The following NCKAP1L variants were observed in gnomAD, a reference collection of about 807,000 sequenced individuals.
The protein encoded by NCKAP1L is nck-associated protein 1-like.
NCKAP1L carries 53 observed loss-of-function variants against 139.2 expected under a neutral mutation model. That is an observed-to-expected ratio of 0.38 (90% confidence interval 0.31 to 0.48). The LOEUF (loss-of-function observed/expected upper bound fraction) is 0.48. NCKAP1L is among the 20% of genes least tolerant of loss of function. The pLI, the probability that NCKAP1L is intolerant of heterozygous loss-of-function variation, is 0.98. For missense variants in NCKAP1L, 1,151 were observed against 1,381.9 expected, an observed-to-expected ratio of 0.83 and a Z score of 2.65; for synonymous variants, 468 against 499.7, an observed-to-expected ratio of 0.94 and a Z score of 0.85.
In NCKAP1L at chr12:54,517,808, G is replaced by C. The variant is rs1293897237; in HGVS notation, c.1208G>C (p.Ser403Thr). 6.2e-7 allele frequency: 1 copy of C among 1,614,022 alleles called. No individual in the cohort carries two copies. Among genetic ancestry groups the C allele is most frequent in the Non-Finnish European group, 8.5e-7 (1 of 1,180,022 alleles). ...TGTTCTCATCCTAAACTTTATAGGA[G>C]CATTGCAGAGCTACTTTTCTTGTTG... ...TKTPEDYADS[S>T]IAELLFLLEG... The change falls in exon 13 of 31, where the codon AGC becomes ACC. Residue 403 changes from serine (S) to threonine (T), a missense_variant and splice_region_variant. By Grantham distance (58) the Ser-to-Thr change is moderately conservative (BLOSUM62 1). Transcript: ENST00000293373.
In NCKAP1L at chr12:54,509,922, T is replaced by C; in HGVS notation, c.672T>C (p.Ser224=). ...RRNQGAEQWR[S]AQLLSLISNP... ...ACCAGGGGGCTGAGCAGTGGCGCAG[T>C]GCCCAACTTCTAAGCCTCATCAGCA... Residue 224 remains serine (S), a synonymous_variant, in exon 7 of 31, where the codon AGT becomes AGC. Transcript: ENST00000293373. 2.5e-6 allele frequency: 4 copies of C among 1,614,236 alleles called. No individual in the cohort carries two copies. The highest frequency in any genetic ancestry group is 3.4e-6 in the Non-Finnish European group (4 of 1,180,038).
intron 20 of NCKAP1L, among the ~76,000 whole-genome samples, chr12:54,525,966 C>A (rs35733155): frequency 0.35 from 52,672 of 151,850 alleles, 10,777 homozygotes; most frequent in African/African-American, 0.56. Flanking sequence ...TAGTTATTCT[C>A]CCCTCTCTAA....
rs370541826 is a variant in NCKAP1L at position 54,516,893 on chromosome 12, T to C, written c.999-3T>C. The C allele has an allele frequency of 6.2e-7, 1 of 1,610,956 alleles. No individual in the cohort carries two copies. Among genetic ancestry groups the C allele is most frequent in the Non-Finnish European group, 8.5e-7 (1 of 1,178,096 alleles). On this transcript the variant is annotated splice_polypyrimidine_tract_variant and splice_region_variant and intron_variant, in intron 10 of 30. Transcript: ENST00000293373. ...ATAGTCATGTTCCCCTTTTCTTCCT[T>C]AGTGGCCAGTTTCATTGTCAACGGC...
intron 17 of NCKAP1L, 77 bp from the exon 18 acceptor site, chr12:54,521,042 G>T: frequency 6.3e-7 from 1 of 1,594,828 alleles, no homozygotes; most frequent in South Asian, 1.1e-5. Context: ...TTCAGGCAAG[G>T]GATGAGAGCA....
chr12:54,508,582 AT>A (rs1478856048), intron 5 of NCKAP1L, 51 bp downstream of exon 5: 2 of 1,570,896 alleles, frequency 1.3e-6, no homozygotes, highest in Admixed American at 1.7e-5. Context: ...TGGTGCTATG[AT>A]GTAGAGAGTC....
Position 54,544,184 on chromosome 12 carries a change from G to C in NCKAP1L, c.*1499G>C, listed in dbSNP as rs2120990407. ...CAGCAAATCCTCCTTCCTTGCTATG[G>C]GAAGGGCTTATGTTCTAAAGGGTGA... is the stretch of plus-strand genomic sequence containing the variant. On this transcript the variant is annotated 3_prime_UTR_variant, in exon 31 of 31. Coordinates refer to ENST00000293373, the MANE Select transcript of NCKAP1L (RefSeq NM_005337.5). The C allele has an allele frequency of 1.3e-5, 2 of 152,320 alleles. No homozygotes were observed. Among genetic ancestry groups the C allele is most frequent in the Middle Eastern group, 3.4e-3 (1 of 294 alleles). 9.4% of individuals were successfully genotyped at this position (152,320 alleles called of 1,614,324 possible). A position where few individuals can be genotyped will look rare whatever the true frequency, so the allele number is the denominator to read the frequency against.
chr12:54,522,454 G>T (rs1956991618), intron 18 of NCKAP1L, among the ~76,000 whole-genome samples: 1 of 152,188 alleles, frequency 6.6e-6, no homozygotes, highest in Admixed American at 6.5e-5. Context: ...AATGAGTATA[G>T]GCTTTCTAAA....
chr12:54,532,087 CTTTTTT>C, intron 25 of NCKAP1L, 77 bp from the exon 26 acceptor site: 2 of 878,590 alleles, frequency 2.3e-6, no homozygotes, highest in Non-Finnish European at 1.7e-6. Flanking sequence ...AGTGCCCCTC[CTTTTTT>C]TTTTTTTTTA....
Position 54,503,638 on chromosome 12 carries a change from C to T in NCKAP1L, c.306+3013C>T, listed in dbSNP as rs983491195. 2.6e-3 allele frequency among the ~76,000 whole-genome samples: 383 copies of T among 148,246 alleles called. 5 individuals are homozygous for T. Among genetic ancestry groups the T allele is most frequent in the African/African-American group, 9.1e-3 (366 of 40,002 alleles). ...ATATACACACACATATATATTTTTT[C>T]TTTTCTTTTTTTTTTTTTTGAGGCG... On this transcript the variant is annotated intron_variant, in intron 3 of 30. Coordinates refer to ENST00000293373, the MANE Select transcript of NCKAP1L (RefSeq NM_005337.5).
Position 54,516,202 on chromosome 12 carries a change from G to A in NCKAP1L, c.942-37G>A, listed in dbSNP as rs535641143. ...GGTGAGGCAAGGGCCCTAATGGGTA[G>A]CATGGTCAACCCCATTGTGCTTGTG... On this transcript the variant is annotated intron_variant, in intron 9 of 30. Transcript: ENST00000293373. 13 of 1,611,574 alleles carry A rather than the reference G, an allele frequency of 8.1e-6. No individual in the cohort carries two copies. In the South Asian group the frequency reaches 1.3e-4, roughly 16 times the overall value.
chr12:54,516,860 G>A (rs898472598), intron 10 of NCKAP1L, 36 bp from the exon 11 acceptor site: 1 of 1,576,206 alleles, frequency 6.3e-7, no homozygotes, highest in African/African-American at 1.3e-5. Flanking sequence ...TTAAGGGTGG[G>A]AGAGGTGATA....
At chr12:54,526,477 G>C (rs1315031844) in intron 20 of NCKAP1L, 51 bp from the exon 21 acceptor site, 2 of 1,407,344 alleles carry the variant, frequency 1.4e-6, no homozygotes, top group African/African-American at 2.8e-5. Context: ...AATTGTTACT[G>C]TATTTGCCAT....
chr12:54,531,549 C>T lies in NCKAP1L; in HGVS notation c.2663C>T (p.Pro888Leu), dbSNP rs375113695. The T allele has an allele frequency of 4.8e-5, 78 of 1,614,134 alleles. No individual in the cohort carries two copies. The South Asian group carries it at 4.9e-4, about 10-fold the overall frequency. Residue 888 changes from proline to leucine, a missense_variant, in exon 24 of 31, where the codon CCG (proline) becomes CTG (leucine). Coordinates refer to ENST00000293373, the MANE Select transcript of NCKAP1L (RefSeq NM_005337.5). ...CAGATCAGATCCAACTTTAGCAAGC[C>T]GGACTTGATGGCTTCCCTGCTGCCC... ...LVQIRSNFSKPDLMASLLPQL... is the reference protein window; with the variant it reads ...LVQIRSNFSKLDLMASLLPQL...
rs1408001703 is a variant in NCKAP1L at position 54,521,249 on chromosome 12, C to A, written c.1878+11C>A. ...AACCTGAGCGAGCAGGTAGACTCAGCCCTCTCTGTTTCACTCTCCCCTCTG... is the reference window on the plus strand; with the variant it reads ...AACCTGAGCGAGCAGGTAGACTCAGACCTCTCTGTTTCACTCTCCCCTCTG... On this transcript the variant is annotated intron_variant, in intron 18 of 30. Coordinates refer to ENST00000293373, the MANE Select transcript of NCKAP1L (RefSeq NM_005337.5). The A allele has an allele frequency of 6.2e-7, 1 of 1,613,308 alleles. No individual in the cohort carries two copies. Among genetic ancestry groups the A allele is most frequent in the Non-Finnish European group, 8.5e-7 (1 of 1,179,556 alleles).
At position 54,520,838 on chromosome 12, in the gene NCKAP1L, G is replaced by C; in HGVS notation, c.1758+12G>C. ...TGTGCCCAGAGGAGGTAGGTATCCT[G>C]ATCTCCAGACCCTGTCATCTTTCTA... is the stretch of plus-strand genomic sequence containing the variant. On this transcript the variant is annotated intron_variant, in intron 17 of 30. Coordinates refer to ENST00000293373, the MANE Select transcript of NCKAP1L (RefSeq NM_005337.5). 6.2e-7 allele frequency: 1 copy of C among 1,614,032 alleles called. No homozygotes were observed. Among genetic ancestry groups the C allele is most frequent in the Non-Finnish European group, 8.5e-7 (1 of 1,179,982 alleles).
chr12:54,523,266 A>C (rs770312261), intron 18 of NCKAP1L, 128 bp from the exon 19 acceptor site: 9 of 1,091,298 alleles, frequency 8.2e-6, no homozygotes, highest in Non-Finnish European at 1.2e-5. Flanking sequence ...AGGTGTGTGG[A>C]AGGAAAGAGA....
rs923598359 is a variant in NCKAP1L at position 54,543,628 on chromosome 12, C to T, written c.*943C>T. On this transcript the variant is annotated 3_prime_UTR_variant, in exon 31 of 31. Coordinates refer to ENST00000293373, the MANE Select transcript of NCKAP1L (RefSeq NM_005337.5). ...CTTCTGGATCTTAAATTTCACAGAC[C>T]TCATTAGGTTGTATGGCCCTGAGAG... 1 of 152,108 alleles carries T rather than the reference C, an allele frequency of 6.6e-6. No homozygotes were observed. The highest frequency in any genetic ancestry group is 2.4e-5 in the African/African-American group (1 of 41,410). 9.4% of individuals were successfully genotyped at this position (152,108 alleles called of 1,614,324 possible). A position where few individuals can be genotyped will look rare whatever the true frequency, so the allele number is the denominator to read the frequency against.
chr12:54,521,795 T>C (rs79474648), intron 18 of NCKAP1L, among the ~76,000 whole-genome samples: 217 of 152,276 alleles, frequency 1.4e-3, no homozygotes, highest in Non-Finnish European at 2.2e-3. Context: ...AATGAGAAAC[T>C]TGTTTTGCTG....
At chr12:54,532,103 A>C in intron 25 of NCKAP1L, 67 bp from the exon 26 acceptor site, 4 of 830,520 alleles carry the variant, frequency 4.8e-6, no homozygotes, top group Non-Finnish European at 6.6e-6. Flanking sequence ...TTTTTTTTTT[A>C]TTTCTACCTA....
Sources: gnomAD v4.1 joint callset for allele counts (sites outside exome capture counted in the v4.1 genomes callset) on GRCh38, gnomAD v4.1.1 for gene constraint, MANE v1.5 for transcripts, NCBI Gene and HGNC (gene_info 2026-07-23, HGNC 2026-07-21) for gene names.